The following DSCAML1 variants were observed in gnomAD, a reference collection of about 807,000 sequenced individuals.
DSCAML1 encodes DS cell adhesion molecule like 1.
A neutral mutation model predicts 200.5 loss-of-function variants in DSCAML1; 38 were observed. That is an observed-to-expected ratio of 0.19 (90% CI 0.15 to 0.25). DSCAML1 has a LOEUF of 0.25. DSCAML1 is among the 10% of genes least tolerant of loss of function. The pLI is 1.00. For synonymous variants in DSCAML1, 1,215 were observed against 1,165.0 expected (o/e 1.04, Z -0.87); for missense variants, 2,223 against 2,858.8 (o/e 0.78, Z 5.07).
rs888843000 is a variant in DSCAML1 at position 117,699,065 on chromosome 11, G to T, written c.511+77726C>A. Among the ~76,000 whole-genome samples the T allele has an allele frequency of 5.9e-5, 9 of 152,200 alleles. 1 individual carries two copies. Among genetic ancestry groups the T allele is most frequent in the Admixed American group, 4.6e-4 (7 of 15,286 alleles). ...CTTTAGCTTGAATTCCTAAATCTGT[G>T]TAGCTGCCTGGGTTACATCCCTCCA... On this transcript the variant is annotated intron_variant, in intron 3 of 32. Transcript: ENST00000651296.
intron 3 of DSCAML1, among the ~76,000 whole-genome samples, chr11:117,559,858 T>C (rs935983661): frequency 1.3e-5 from 2 of 150,112 alleles, no homozygotes; most frequent in African/African-American, 4.9e-5. Flanking sequence ...GATGTCAGGC[T>C]GGCTGGGGTG....
chr11:117,524,801 T>C lies in DSCAML1; in HGVS notation c.937+4A>G. 6.4e-7 allele frequency: 1 copy of C among 1,574,488 alleles called. No individual in the cohort carries two copies. The highest frequency in any genetic ancestry group is 8.6e-7 in the Non-Finnish European group (1 of 1,158,844). On this transcript the variant is annotated splice_donor_region_variant and intron_variant, in intron 5 of 32. Transcript: ENST00000651296. ...GGGCTGCAGAAGGGGCTTCCCCGACTCACCAATGACCATGAGGATGCCTGT... is the reference window on the plus strand; with the variant it reads ...GGGCTGCAGAAGGGGCTTCCCCGACCCACCAATGACCATGAGGATGCCTGT...
chr11:117,615,154 A>G (rs2051785736), intron 3 of DSCAML1, among the ~76,000 whole-genome samples: 1 of 152,228 alleles, frequency 6.6e-6, no homozygotes, highest in Non-Finnish European at 1.5e-5. Context: ...CTGGTGGCTC[A>G]GTTTTCCCAT....
At chr11:117,652,486 T>C (rs912325332) in intron 3 of DSCAML1, among the ~76,000 whole-genome samples, 3 of 152,134 alleles carry the variant, frequency 2.0e-5, no homozygotes, top group Non-Finnish European at 4.4e-5. Flanking sequence ...ACTGCAGAGA[T>C]GGATGCAAGA....
intron 17 of DSCAML1, 109 bp from the exon 18 acceptor site, chr11:117,461,705 A>G: frequency 9.8e-7 from 1 of 1,024,878 alleles, no homozygotes; most frequent in Non-Finnish European, 1.4e-6. Context: ...AGGAGCGTCC[A>G]GTTAGACAAG....
intron 3 of DSCAML1, among the ~76,000 whole-genome samples, chr11:117,623,167 A>G (rs1005979061): frequency 7.3e-5 from 11 of 151,372 alleles, no homozygotes; most frequent in African/African-American, 2.2e-4. Flanking sequence ...GTTTAAGGGC[A>G]TCTGTGTCTA....
chr11:117,432,100 G>A (rs745383094), intron 30 of DSCAML1, among the ~76,000 whole-genome samples: 4 of 152,108 alleles, frequency 2.6e-5, no homozygotes, highest in South Asian at 2.1e-4. Flanking sequence ...TGGAGAACAC[G>A]AATACCCAAT....
chr11:117,437,530 CAT>C lies in DSCAML1; in HGVS notation c.4433-123_4433-122del. The C allele has an allele frequency of 8.1e-7, 1 of 1,231,988 alleles. No individual in the cohort carries two copies. The highest frequency in any genetic ancestry group is 1.1e-6 in the Non-Finnish European group (1 of 880,240). 76.3% of individuals were successfully genotyped at this position (1,231,988 alleles called of 1,614,324 possible). A position where few individuals can be genotyped will look rare whatever the true frequency, so the allele number is the denominator to read the frequency against. On this transcript the variant is annotated intron_variant, in intron 25 of 32. Transcript: ENST00000651296. The surrounding 1 kb of genome is among the most constrained non-coding windows in gnomAD (Gnocchi z 5.3). ...GGATGGCAGTGGCTCCAGGAGAATA[CAT>C]GTTTGGCACAGATGGGGTGGGGAAG...
At position 117,565,953 on chromosome 11, in the gene DSCAML1, C is replaced by A. The variant is rs144184216; in HGVS notation, c.512-33431G>T. Among the ~76,000 whole-genome samples the A allele has an allele frequency of 5.3e-5, 8 of 152,328 alleles. No homozygotes were observed. In the East Asian group the frequency reaches 9.6e-4, roughly 18 times the overall value. Reference sequence around the variant, plus strand: ...ATATCTCTTGGACAACTGTCTCCCCCCTCCCTCACTGTCATCTCCGTGACA... The same window carrying A: ...ATATCTCTTGGACAACTGTCTCCCCACTCCCTCACTGTCATCTCCGTGACA... On this transcript the variant is annotated intron_variant, in intron 3 of 32. Transcript: ENST00000651296.
chr11:117,807,282 G>T (rs917004901), intron 1 of DSCAML1, among the ~76,000 whole-genome samples: 4 of 152,220 alleles, frequency 2.6e-5, no homozygotes, highest in Non-Finnish European at 5.9e-5. Context: ...TGGATGTGGT[G>T]GTCTGCCTGG....
intron 1 of DSCAML1, among the ~76,000 whole-genome samples, chr11:117,809,961 TCA>T (rs149454145): frequency 0.23 from 33,937 of 149,604 alleles, 3,952 homozygotes; most frequent in Middle Eastern, 0.3. Context: ...ATTCACACAC[TCA>T]CACATTCACA....
chr11:117,748,938 TC>T, intron 3 of DSCAML1, among the ~76,000 whole-genome samples: 1 of 152,290 alleles, frequency 6.6e-6, no homozygotes, highest in Middle Eastern at 3.4e-3. Context: ...TGAGCAGCTC[TC>T]CAGTGCAGAG....
chr11:117,486,068 G>A (rs1201945015), intron 11 of DSCAML1, among the ~76,000 whole-genome samples: 3 of 152,252 alleles, frequency 2.0e-5, no homozygotes, highest in African/African-American at 7.2e-5. Context: ...GCAGGGAAAA[G>A]GGTGTGTGGC....
intron 3 of DSCAML1, among the ~76,000 whole-genome samples, chr11:117,556,014 G>A (rs1199712754): frequency 1.3e-5 from 2 of 152,166 alleles, no homozygotes; most frequent in African/African-American, 4.8e-5. Context: ...TTCTGCAGTT[G>A]CACTGTCTGG....
chr11:117,590,845 G>A (rs1356940232), intron 3 of DSCAML1, among the ~76,000 whole-genome samples: 1 of 152,158 alleles, frequency 6.6e-6, no homozygotes, highest in Non-Finnish European at 1.5e-5. Flanking sequence ...AATTTTGTAA[G>A]CAGTGACAAT....
intron 3 of DSCAML1, among the ~76,000 whole-genome samples, chr11:117,633,089 G>A (rs1435545111): frequency 2.6e-5 from 4 of 152,168 alleles, no homozygotes; most frequent in Non-Finnish European, 5.9e-5. Context: ...AGGAAAGATA[G>A]CACAAAGCCA....
intron 31 of DSCAML1, 44 bp from the exon 32 acceptor site, chr11:117,431,077 A>G (rs746235654): frequency 3.9e-6 from 6 of 1,553,374 alleles, no homozygotes; most frequent in Non-Finnish European, 5.2e-6. Flanking sequence ...GGAGGAGGGT[A>G]TAAGTGAGAC....
intron 3 of DSCAML1, among the ~76,000 whole-genome samples, chr11:117,698,245 T>G (rs1314771200): frequency 6.6e-6 from 1 of 152,226 alleles, no homozygotes; most frequent in Admixed American, 6.5e-5. Flanking sequence ...CTTTTGGGAA[T>G]CTACCCAGAA....
chr11:117,505,138 C>G lies in DSCAML1; in HGVS notation c.2063-95G>C. 6.6e-7 allele frequency: 1 copy of G among 1,512,652 alleles called. No homozygotes were observed. The highest frequency in any genetic ancestry group is 8.9e-7 in the Non-Finnish European group (1 of 1,123,918). The allele number at this position is 1,512,652 out of a possible 1,614,324, so 93.7% of individuals were successfully genotyped here. On this transcript the variant is annotated intron_variant, in intron 9 of 32. Transcript: ENST00000651296. This position sits in a 1 kb window ranked among gnomAD's most constrained non-coding sequence, Gnocchi z 6.7. ...CCTTCTGTTTGAGGTCAGCCCTGCC[C>G]GGGCCATTATAAAGTTGGAAGCGGG...
Sources: allele counts gnomAD v4.1 joint callset (sites outside exome capture counted in the v4.1 genomes callset), GRCh38; gene constraint gnomAD v4.1.1; non-coding constraint Gnocchi (gnomAD v3.1); transcripts MANE v1.5; gene names NCBI Gene and HGNC (gene_info 2026-07-23, HGNC 2026-07-21).